The following GALNT13 variants were observed in gnomAD, a reference collection of about 807,000 sequenced individuals.
The protein encoded by GALNT13 is polypeptide N-acetylgalactosaminyltransferase 13, also known as UDP-GalNAc:polypeptide N-acetylgalactosaminyltransferase 13.
In GALNT13, 28 loss-of-function variants were observed where a neutral mutation model predicts 64.2. The ratio of observed to expected loss-of-function variants is 0.44; its 90% CI spans 0.32 to 0.60. The LOEUF (loss-of-function observed/expected upper bound fraction) is 0.60. Ranked by LOEUF, GALNT13 falls within the 20% of genes least tolerant of loss-of-function variation. The probability of loss-of-function intolerance (pLI) is 0.05; values close to 1 mark genes in which losing one functional copy is unlikely to be tolerated. For synonymous variants in GALNT13, 214 were observed against 224.6 expected (o/e 0.95, Z 0.42); for missense variants, 577 against 669.8 (o/e 0.86, Z 1.53).
the GALNT13 span, among the ~76,000 whole-genome samples, chr2:153,385,534 C>T: frequency 2.6e-3 from 390 of 152,014 alleles, 4 homozygotes; most frequent in Middle Eastern, 0.014. Context: ...CTACCAGGGG[C>T]TGGGAATGGT....
intron 3 of GALNT13, among the ~76,000 whole-genome samples, chr2:154,093,000 G>GA (rs1253706949): frequency 1.3e-5 from 2 of 151,922 alleles, no homozygotes; most frequent in South Asian, 2.1e-4. Context: ...CGTCTACTTT[G>GA]AAAGCACTAA....
the GALNT13 span, among the ~76,000 whole-genome samples, chr2:153,806,542 C>T: frequency 6.6e-6 from 1 of 151,830 alleles, no homozygotes; most frequent in Non-Finnish European, 1.5e-5. Flanking sequence ...CATTGAATAT[C>T]AACAGCTGCC....
chr2:153,788,761 C>G, the GALNT13 span, among the ~76,000 whole-genome samples: 1 of 151,706 alleles, frequency 6.6e-6, no homozygotes, highest in African/African-American at 2.4e-5. Flanking sequence ...GGAAATCTGC[C>G]GAGGAAATGG....
At chr2:153,106,474 A>G in the GALNT13 span, among the ~76,000 whole-genome samples, 1 of 152,148 alleles carries the variant, frequency 6.6e-6, no homozygotes, top group Non-Finnish European at 1.5e-5. Context: ...GTAGTGGCTA[A>G]GTCATAACAC....
At chr2:154,060,106 T>A (rs1264208760) in intron 3 of GALNT13, among the ~76,000 whole-genome samples, 1 of 152,170 alleles carries the variant, frequency 6.6e-6, no homozygotes, top group African/African-American at 2.4e-5. Flanking sequence ...CTTGCTGCCC[T>A]CCACCTATAT....
the GALNT13 span, among the ~76,000 whole-genome samples, chr2:153,291,237 C>T: frequency 6.6e-6 from 1 of 152,058 alleles, no homozygotes; most frequent in East Asian, 1.9e-4. Context: ...AATGATATAG[C>T]ATTTGCATCA....
At chr2:153,710,206 T>G in the GALNT13 span, among the ~76,000 whole-genome samples, 10 of 152,090 alleles carry the variant, frequency 6.6e-5, no homozygotes, top group Non-Finnish European at 1.3e-4. Context: ...TATTCCACAT[T>G]GTATTCAAAA....
the GALNT13 span, among the ~76,000 whole-genome samples, chr2:153,624,996 G>A: frequency 6.6e-6 from 1 of 152,036 alleles, no homozygotes; most frequent in African/African-American, 2.4e-5. Flanking sequence ...TGAGAAGACT[G>A]AGGTCAGAAT....
intron 4 of GALNT13, among the ~76,000 whole-genome samples, chr2:154,192,167 GCT>G (rs1188804023): frequency 5.3e-5 from 8 of 152,298 alleles, no homozygotes; most frequent in African/African-American, 1.9e-4. Flanking sequence ...CTTTCAGTGT[GCT>G]CTCAGGCCGG....
chr2:153,615,359 A>G, the GALNT13 span, among the ~76,000 whole-genome samples: 1 of 152,056 alleles, frequency 6.6e-6, no homozygotes, highest in Non-Finnish European at 1.5e-5. Context: ...CCTCTTCCAT[A>G]TATTGATTTC....
At chr2:154,039,358 G>A (rs1298231317) in intron 3 of GALNT13, among the ~76,000 whole-genome samples, 1 of 138,440 alleles carries the variant, frequency 7.2e-6, no homozygotes. Context: ...TAGAATCAAC[G>A]TAAGTACTCC....
chr2:154,438,504 C>G, intron 11 of GALNT13, 88 bp from the exon 12 acceptor site: 1 of 881,030 alleles, frequency 1.1e-6, no homozygotes, highest in Admixed American at 2.4e-5. Context: ...ACAAGTTTAT[C>G]TGATACGAAA....
intron 4 of GALNT13, among the ~76,000 whole-genome samples, chr2:154,201,561 A>T (rs1280499458): frequency 6.6e-6 from 1 of 152,146 alleles, no homozygotes; most frequent in East Asian, 1.9e-4. Flanking sequence ...TGTTTCAAAC[A>T]GGTTTAGACA....
At chr2:153,844,859 A>G in the GALNT13 span, among the ~76,000 whole-genome samples, 3 of 152,182 alleles carry the variant, frequency 2.0e-5, no homozygotes, top group African/African-American at 7.2e-5. Context: ...AAACTTTCAA[A>G]TATCCCTAGG....
chr2:153,226,059 TA>T, the GALNT13 span, among the ~76,000 whole-genome samples: 1 of 151,908 alleles, frequency 6.6e-6, no homozygotes, highest in Non-Finnish European at 1.5e-5. Context: ...TCAGCCTCCT[TA>T]GTAGTAGCTG....
chr2:154,286,576 A>G, intron 8 of GALNT13: 1 of 207,908 alleles, frequency 4.8e-6, no homozygotes, highest in Non-Finnish European at 9.7e-6. Flanking sequence ...GAGAGGGTCC[A>G]GCAGAAGGAA....
chr2:153,695,880 A>C, the GALNT13 span, among the ~76,000 whole-genome samples: 1 of 152,108 alleles, frequency 6.6e-6, no homozygotes, highest in South Asian at 2.1e-4. Flanking sequence ...AGGATAATGG[A>C]GTATACCCTC....
At chr2:153,205,054 T>C in the GALNT13 span, among the ~76,000 whole-genome samples, 1 of 152,154 alleles carries the variant, frequency 6.6e-6, no homozygotes, top group South Asian at 2.1e-4. Flanking sequence ...TGGTAAACGT[T>C]ATTTTGAAGG....
At chr2:153,410,993 T>G in the GALNT13 span, among the ~76,000 whole-genome samples, 1 of 151,390 alleles carries the variant, frequency 6.6e-6, no homozygotes, top group African/African-American at 2.4e-5. Context: ...CCTCCCTGAG[T>G]AGTTGGGACT....
Sources: gnomAD v4.1 joint callset for allele counts (sites outside exome capture counted in the v4.1 genomes callset) on GRCh38, gnomAD v4.1.1 for gene constraint, MANE v1.5 for transcripts, NCBI Gene and HGNC (gene_info 2026-07-23, HGNC 2026-07-21) for gene names.